Variants in BCAR3 observed in about 807,000 individuals in gnomAD.
BCAR3 encodes breast cancer anti-estrogen resistance protein 3.
In BCAR3, 37 loss-of-function variants were observed where a neutral mutation model predicts 80.1. The observed-to-expected ratio is 0.46, with a 90% CI of 0.36 to 0.61. The LOEUF is 0.61. Among genes scored for constraint, BCAR3 ranks in the 20% least tolerant of loss-of-function variants. BCAR3 has a pLI of 0.00. For synonymous variants in BCAR3, 389 were observed against 418.9 expected (o/e 0.93, Z 0.87); for missense variants, 978 against 1,068.2 (o/e 0.92, Z 1.18).
chr1:93,632,992 C>T (rs989910934), intron 3 of BCAR3, among the ~76,000 whole-genome samples: 12 of 151,922 alleles, frequency 7.9e-5, no homozygotes, highest in African/African-American at 2.9e-4. Context: ...GCACTCCAGC[C>T]TGGGCAACAA....
chr1:93,687,363 A>G (rs1571045329), intron 3 of BCAR3, among the ~76,000 whole-genome samples: 1 of 152,164 alleles, frequency 6.6e-6, no homozygotes, highest in East Asian at 1.9e-4. Context: ...GCTGGAGTGC[A>G]GTAGCATGAT....
intron 2 of BCAR3, chr1:93,845,502 A>ATATATATATATATTATCAAG: frequency 8.8e-6 from 1 of 113,822 alleles, no homozygotes; most frequent in African/African-American, 3.5e-5. Context: ...ATATATATAT[A>ATATATATATATATTATCAAG]AAACTTTGTT....
At chr1:93,644,090 C>T (rs939929031) in intron 2 of BCAR3, among the ~76,000 whole-genome samples, 1 of 152,176 alleles carries the variant, frequency 6.6e-6, no homozygotes, top group Non-Finnish European at 1.5e-5. Context: ...AAATATTTTA[C>T]CCCAAAACAT....
chr1:93,624,722 G>A (rs1675405254), intron 3 of BCAR3, among the ~76,000 whole-genome samples: 1 of 152,264 alleles, frequency 6.6e-6, no homozygotes, highest in Admixed American at 6.5e-5. Flanking sequence ...AAGTGTGCAT[G>A]CATATTTCTA....
rs1392518115 is a variant in BCAR3, at chr1:93,721,284, T to C, written c.-62-15142A>G. Among the ~76,000 whole-genome samples, 4 of 152,076 alleles carry C rather than the reference T, an allele frequency of 2.6e-5. No homozygotes were observed. The East Asian group carries it at 7.7e-4, about 29-fold the overall frequency. Reference sequence around the variant, plus strand: ...TGGCTCAGAATCCTTGGGAACAGAATCCTCAAGAACAACATCTTGAGCCTG... The same window carrying C: ...TGGCTCAGAATCCTTGGGAACAGAACCCTCAAGAACAACATCTTGAGCCTG... On this transcript the variant is annotated intron_variant, in intron 2 of 13. Transcript: ENST00000370244.
chr1:93,652,603 C>T (rs982665624), intron 2 of BCAR3, among the ~76,000 whole-genome samples: 2 of 151,946 alleles, frequency 1.3e-5, no homozygotes, highest in African/African-American at 4.8e-5. Flanking sequence ...CACTAGAAAA[C>T]AAACAGAGAA....
At chr1:93,642,044 T>C (rs1399281748) in intron 3 of BCAR3, among the ~76,000 whole-genome samples, 1 of 152,214 alleles carries the variant, frequency 6.6e-6, no homozygotes, top group Non-Finnish European at 1.5e-5. Context: ...ATTACCTTTC[T>C]GGAAAACAAA....
chr1:93,621,964 C>T lies in BCAR3; in HGVS notation c.357+20340G>A, dbSNP rs566940224. Among the ~76,000 whole-genome samples, 37 of 152,288 alleles carry T rather than the reference C, an allele frequency of 2.4e-4. 1 individual carries two copies. Among genetic ancestry groups the T allele is most frequent in the Middle Eastern group, 3.4e-3 (1 of 294 alleles). ...TCAGCTCACTGCAACCTCCGCCTCC[C>T]GGGTTCAAGTGATTCTCCTGCCTCA... is the stretch of plus-strand genomic sequence containing the variant. On this transcript the variant is annotated intron_variant, in intron 3 of 11. Coordinates refer to ENST00000260502, the MANE Select transcript of BCAR3 (RefSeq NM_003567.4).
intron 2 of BCAR3, among the ~76,000 whole-genome samples, chr1:93,829,514 C>A (rs548947592): frequency 7.2e-5 from 11 of 152,010 alleles, no homozygotes; most frequent in African/African-American, 2.4e-4. Context: ...GGTTTTGGGG[C>A]TGCTTTTTAT....
At chr1:93,836,963 G>A (rs931619798) in intron 2 of BCAR3, among the ~76,000 whole-genome samples, 2 of 151,788 alleles carry the variant, frequency 1.3e-5, no homozygotes, top group Admixed American at 1.3e-4. Context: ...CTATAAAACT[G>A]CCCCACCCCA....
chr1:93,663,432 T>C (rs912744731), intron 2 of BCAR3, among the ~76,000 whole-genome samples: 1 of 152,072 alleles, frequency 6.6e-6, no homozygotes, highest in Non-Finnish European at 1.5e-5. Context: ...AGGAAAGGGT[T>C]ATCTAGAAAG....
intron 1 of BCAR3, among the ~76,000 whole-genome samples, chr1:93,679,668 G>T (rs75734767): frequency 6.6e-6 from 1 of 152,168 alleles, no homozygotes; most frequent in Non-Finnish European, 1.5e-5. Context: ...GAACAAGAGC[G>T]AGGCTGACAA....
intron 2 of BCAR3, among the ~76,000 whole-genome samples, chr1:93,736,878 A>G (rs369090123): frequency 4.4e-4 from 67 of 152,300 alleles, no homozygotes; most frequent in African/African-American, 1.3e-3. Flanking sequence ...AGGCTTTTGC[A>G]TTTTATGCTA....
chr1:93,633,057 G>A (rs1675676965), intron 3 of BCAR3, among the ~76,000 whole-genome samples: 1 of 152,084 alleles, frequency 6.6e-6, no homozygotes, highest in Non-Finnish European at 1.5e-5. Flanking sequence ...TCCACTTTTA[G>A]CTTAGTGGTC....
At position 93,826,713 on chromosome 1, in the gene BCAR3, C is replaced by T. The variant is rs148608235; in HGVS notation, c.-63+18854G>A. On this transcript the variant is annotated intron_variant, in intron 2 of 13. Transcript: ENST00000370244. ...TAACAGGAATTGGGGGCAGAACAGT[C>T]AGGGGAGATCTCCTAAGGAAAGTAC... Among the ~76,000 whole-genome samples, 237 of 152,196 alleles carry T rather than the reference C, an allele frequency of 1.6e-3. 1 individual carries two copies. Among genetic ancestry groups the T allele is most frequent in the African/African-American group, 5.0e-3 (209 of 41,516 alleles).
chr1:93,783,342 A>G (rs12119582), intron 2 of BCAR3, among the ~76,000 whole-genome samples: 20,517 of 152,202 alleles, frequency 0.13, 2,166 homozygotes, highest in African/African-American at 0.28. Flanking sequence ...CTCCAGTCAT[A>G]AAAATAAAAA....
chr1:93,753,553 C>CACACACACAA (rs1651639340), intron 2 of BCAR3: 2 of 60,886 alleles, frequency 3.3e-5, no homozygotes, highest in Non-Finnish European at 6.4e-5. Context: ...TACACACACA[C>CACACACACAA]ACACACACAC....
chr1:93,630,243 C>T (rs1465482344), intron 3 of BCAR3, among the ~76,000 whole-genome samples: 1 of 152,170 alleles, frequency 6.6e-6, no homozygotes, highest in Non-Finnish European at 1.5e-5. Context: ...CGCCCTTGTG[C>T]ATCTGGTGTG....
intron 1 of BCAR3, 94 bp downstream of exon 1, chr1:93,681,504 A>G (rs1479482553): frequency 1.3e-5 from 2 of 151,818 alleles, no homozygotes; most frequent in Non-Finnish European, 2.9e-5. Flanking sequence ...TTGTCCAACA[A>G]ACTTCCTAGC....
Sources: gnomAD v4.1 joint callset for allele counts (sites outside exome capture counted in the v4.1 genomes callset) on GRCh38, gnomAD v4.1.1 for gene constraint, MANE v1.5 for transcripts, NCBI Gene and HGNC (gene_info 2026-07-23, HGNC 2026-07-21) for gene names.